Variants in PTPRD observed in about 807,000 individuals in gnomAD.
PTPRD encodes receptor-type tyrosine-protein phosphatase delta.
Under a neutral mutation model 214.5 loss-of-function variants are expected in PTPRD, and 34 were observed. The ratio of observed to expected loss-of-function variants is 0.16; its 90% CI spans 0.12 to 0.21. The LOEUF (loss-of-function observed/expected upper bound fraction) is 0.21, where lower values mean the gene tolerates loss of function less well. Ranked by LOEUF, PTPRD falls within the 10% of genes least tolerant of loss-of-function variation. PTPRD has a pLI of 1.00. For synonymous variants in PTPRD, 1,128 were observed against 845.7 expected, an observed-to-expected ratio of 1.33 and a Z score of -5.79; for missense variants, 2,545 against 2,398.7, an observed-to-expected ratio of 1.06 and a Z score of -1.27.
At chr9:10,362,997 G>T (rs2097425809) in intron 2 of PTPRD, among the ~76,000 whole-genome samples, 1 of 152,160 alleles carries the variant, frequency 6.6e-6, no homozygotes, top group Non-Finnish European at 1.5e-5. Context: ...TGGAATAGAA[G>T]TCTGCTATTT....
chr9:9,123,437 C>A (rs976582950), intron 10 of PTPRD, among the ~76,000 whole-genome samples: 2 of 152,182 alleles, frequency 1.3e-5, no homozygotes, highest in African/African-American at 4.8e-5. Flanking sequence ...AGTAGACTGA[C>A]AGCTACATGC....
chr9:9,731,775 C>T (rs1344190094), intron 7 of PTPRD, among the ~76,000 whole-genome samples: 1 of 152,070 alleles, frequency 6.6e-6, no homozygotes, highest in African/African-American at 2.4e-5. Context: ...CACTTGGACA[C>T]AGTAAGGTTA....
At chr9:8,631,970 T>C (rs994852074) in intron 14 of PTPRD, among the ~76,000 whole-genome samples, 2 of 151,948 alleles carry the variant, frequency 1.3e-5, no homozygotes, top group African/African-American at 4.8e-5. Flanking sequence ...CTTGTCTGTT[T>C]TAAAGCAGCA....
chr9:8,383,023 T>C (rs761133068), intron 37 of PTPRD, among the ~76,000 whole-genome samples: 1 of 152,212 alleles, frequency 6.6e-6, no homozygotes, highest in Non-Finnish European at 1.5e-5. Flanking sequence ...AAGGCTGGAC[T>C]TTCCAAAACT....
At chr9:9,708,227 T>C (rs1454367082) in intron 7 of PTPRD, among the ~76,000 whole-genome samples, 2 of 37,132 alleles carry the variant, frequency 5.4e-5, no homozygotes, top group African/African-American at 2.5e-4. Flanking sequence ...ATTTCATTAA[T>C]TTTAGGACAT....
At chr9:8,973,133 T>C (rs1053310804) in intron 11 of PTPRD, among the ~76,000 whole-genome samples, 17 of 152,012 alleles carry the variant, frequency 1.1e-4, no homozygotes, top group African/African-American at 3.9e-4. Flanking sequence ...GTGTCAAATG[T>C]ATAGATTTGT....
intron 9 of PTPRD, among the ~76,000 whole-genome samples, chr9:9,344,547 G>GTA (rs137859876): frequency 0.013 from 2,044 of 151,596 alleles, 42 homozygotes; most frequent in African/African-American, 0.046. Flanking sequence ...AATGAATAAA[G>GTA]TATATATATA....
chr9:10,420,342 A>G (rs1418531041), intron 2 of PTPRD, among the ~76,000 whole-genome samples: 1 of 151,834 alleles, frequency 6.6e-6, no homozygotes, highest in Non-Finnish European at 1.5e-5. Context: ...AGGATTTCTC[A>G]GATAATATTG....
chr9:10,500,828 A>G (rs2043446361), intron 2 of PTPRD, among the ~76,000 whole-genome samples: 1 of 151,982 alleles, frequency 6.6e-6, no homozygotes, highest in East Asian at 1.9e-4. Flanking sequence ...AGCTTATTTC[A>G]CTTAACATAA....
intron 5 of PTPRD, among the ~76,000 whole-genome samples, chr9:9,929,841 C>A (rs10816244): frequency 0.53 from 80,908 of 151,906 alleles, 24,107 homozygotes; most frequent in African/African-American, 0.79. Context: ...TCATGTTCTA[C>A]AAAGAGAATA....
intron 5 of PTPRD, among the ~76,000 whole-genome samples, chr9:9,772,691 A>G (rs575516663): frequency 9.1e-4 from 138 of 152,278 alleles, no homozygotes; most frequent in African/African-American, 3.2e-3. Context: ...TATAAAGTAA[A>G]TATTATCTTT....
chr9:9,161,599 T>C (rs2154494145), intron 10 of PTPRD, among the ~76,000 whole-genome samples: 1 of 152,164 alleles, frequency 6.6e-6, no homozygotes, highest in Admixed American at 6.5e-5. Flanking sequence ...TAAAATACAA[T>C]CCTGGGGGAG....
intron 14 of PTPRD, among the ~76,000 whole-genome samples, chr9:8,622,992 CA>C (rs142765085): frequency 4.1e-4 from 60 of 144,942 alleles, no homozygotes; most frequent in East Asian, 1.0e-3. Context: ...TTACAAAATA[CA>C]AAAAAAAAAA....
intron 9 of PTPRD, among the ~76,000 whole-genome samples, chr9:9,207,193 G>C (rs1271238598): frequency 6.6e-6 from 1 of 152,272 alleles, no homozygotes; most frequent in Middle Eastern, 3.4e-3. Flanking sequence ...TAACTGAGTA[G>C]GGGGAATCTA....
chr9:10,418,652 G>A lies in PTPRD; in HGVS notation c.-599-77635C>T, dbSNP rs142703602. Among the ~76,000 whole-genome samples the A allele has an allele frequency of 4.4e-3, 670 of 151,782 alleles. 1 individual carries two copies. The highest frequency in any genetic ancestry group is 7.9e-3 in the Non-Finnish European group (536 of 67,892). Reference sequence around the variant, plus strand: ...AGAATATTCAGCAATATAATAACAGGAACATTGTTTTGTTCCCTGCTTTAT... The same window carrying A: ...AGAATATTCAGCAATATAATAACAGAAACATTGTTTTGTTCCCTGCTTTAT... On this transcript the variant is annotated intron_variant, in intron 2 of 45. Transcript: ENST00000381196.
chr9:8,799,509 C>A (rs1188534366), intron 11 of PTPRD, among the ~76,000 whole-genome samples: 1 of 152,160 alleles, frequency 6.6e-6, no homozygotes, highest in African/African-American at 2.4e-5. Context: ...GGTTGACAGG[C>A]AGTAGGGAAG....
At chr9:10,136,395 T>C (rs1015637071) in intron 3 of PTPRD, among the ~76,000 whole-genome samples, 1 of 152,058 alleles carries the variant, frequency 6.6e-6, no homozygotes, top group Admixed American at 6.6e-5. Context: ...AATAGATATT[T>C]ACAGAATACT....
intron 8 of PTPRD, among the ~76,000 whole-genome samples, chr9:9,535,587 C>A (rs766726800): frequency 4.3e-4 from 66 of 152,046 alleles, no homozygotes; most frequent in Middle Eastern, 3.4e-3. Context: ...TAAAAGCAGC[C>A]AATGTGGTGA....
chr9:10,230,457 T>TATCTATCC (rs750191095), intron 3 of PTPRD, among the ~76,000 whole-genome samples: 14,963 of 151,502 alleles, frequency 0.099, 978 homozygotes, highest in African/African-American at 0.17. Flanking sequence ...TCTATCTATC[T>TATCTATCC]ATCTATCTAT....
Sources: gnomAD v4.1 joint callset for allele counts (sites outside exome capture counted in the v4.1 genomes callset) on GRCh38, gnomAD v4.1.1 for gene constraint, MANE v1.5 for transcripts, NCBI Gene and HGNC (gene_info 2026-07-23, HGNC 2026-07-21) for gene names.